Variants in SOX6 observed in about 807,000 individuals in gnomAD.
SOX6 encodes transcription factor SOX-6.
Under a neutral mutation model 97.8 loss-of-function variants are expected in SOX6, and 11 were observed. The ratio of observed to expected loss-of-function variants is 0.11; its 90% confidence interval spans 0.07 to 0.19. The LOEUF is 0.19. Ranked by LOEUF, SOX6 falls within the 10% of genes least tolerant of loss-of-function variation. The pLI, the probability that SOX6 is intolerant of heterozygous loss-of-function variation, is 1.00. For missense variants in SOX6, 810 were observed against 1,039.5 expected (o/e 0.78, Z 3.04); for synonymous variants, 360 against 371.4 (o/e 0.97, Z 0.35).
At chr11:16,204,093 G>C (rs1207154549) in intron 4 of SOX6, among the ~76,000 whole-genome samples, 1 of 151,218 alleles carries the variant, frequency 6.6e-6, no homozygotes, top group African/African-American at 2.4e-5. Flanking sequence ...GTACACAAGA[G>C]ATACATACAA....
intron 4 of SOX6, among the ~76,000 whole-genome samples, chr11:16,231,884 T>C (rs548131243): frequency 6.6e-6 from 1 of 151,906 alleles, no homozygotes; most frequent in East Asian, 1.9e-4. Flanking sequence ...ACAAAAAAAT[T>C]ATAATGGGAT....
intron 1 of SOX6, among the ~76,000 whole-genome samples, chr11:16,372,681 G>A (rs1487783962): frequency 6.6e-6 from 1 of 152,062 alleles, no homozygotes; most frequent in African/African-American, 2.4e-5. Flanking sequence ...AGGAATTGCA[G>A]AATAATTTAA....
chr11:16,219,229 A>T lies in SOX6; in HGVS notation c.535+15353T>A, dbSNP rs180773950. Among the ~76,000 whole-genome samples the T allele has an allele frequency of 2.6e-5, 4 of 152,210 alleles. No homozygotes were observed. In the East Asian group the frequency reaches 7.7e-4, roughly 29 times the overall value. ...TAATTTGTCTGAAGTTAAATTAGCT[A>T]AATTTTGAGCTCAGTTGTATTCATC... On this transcript the variant is annotated intron_variant, in intron 4 of 15. Coordinates refer to ENST00000683767, the MANE Select transcript of SOX6 (RefSeq NM_001367873.1).
chr11:16,702,608 T>C (rs977665600), intron 3 of SOX6, among the ~76,000 whole-genome samples: 1 of 152,172 alleles, frequency 6.6e-6, no homozygotes, highest in African/African-American at 2.4e-5. Flanking sequence ...CCAGACCTTC[T>C]TGAAGTCCAA....
chr11:16,344,563 AC>A (rs1565102717), intron 1 of SOX6, among the ~76,000 whole-genome samples: 1 of 151,806 alleles, frequency 6.6e-6, no homozygotes, highest in Non-Finnish European at 1.5e-5. Flanking sequence ...AATCAAATAT[AC>A]CCATGTTTCA....
chr11:16,514,986 G>A (rs1392732751), intron 4 of SOX6, among the ~76,000 whole-genome samples: 1 of 151,866 alleles, frequency 6.6e-6, no homozygotes, highest in African/African-American at 2.4e-5. Context: ...TTGCTATTGT[G>A]AACAGTGCCA....
At chr11:16,199,747 A>G (rs1851882920) in intron 4 of SOX6, among the ~76,000 whole-genome samples, 1 of 152,212 alleles carries the variant, frequency 6.6e-6, no homozygotes, top group Non-Finnish European at 1.5e-5. Context: ...TCAGGGAACT[A>G]GTCTCCATCA....
intron 9 of SOX6, among the ~76,000 whole-genome samples, chr11:16,070,392 T>A (rs1332320253): frequency 6.6e-6 from 1 of 151,886 alleles, no homozygotes; most frequent in Non-Finnish European, 1.5e-5. Context: ...AAAATCTGAA[T>A]CCATCAGATA....
intron 6 of SOX6, among the ~76,000 whole-genome samples, chr11:16,140,905 T>C (rs1307452815): frequency 6.6e-6 from 1 of 152,108 alleles, no homozygotes; most frequent in African/African-American, 2.4e-5. Context: ...GAATAAAAAA[T>C]ATCTCTTAGC....
At chr11:16,524,853 C>T (rs960223891) in intron 4 of SOX6, among the ~76,000 whole-genome samples, 1 of 152,072 alleles carries the variant, frequency 6.6e-6, no homozygotes, top group East Asian at 1.9e-4. Flanking sequence ...AAACAGAGAG[C>T]CATATCATGA....
chr11:16,377,845 C>T (rs867475272), intron 1 of SOX6, among the ~76,000 whole-genome samples: 2 of 152,082 alleles, frequency 1.3e-5, no homozygotes, highest in East Asian at 3.9e-4. Flanking sequence ...ATATTAATTT[C>T]GAACTCATTA....
At chr11:16,692,630 A>T (rs1010355101) in intron 3 of SOX6, among the ~76,000 whole-genome samples, 1 of 152,208 alleles carries the variant, frequency 6.6e-6, no homozygotes, top group Admixed American at 6.5e-5. Flanking sequence ...AATCACTCCA[A>T]GCAGTTTATT....
chr11:16,561,544 G>A (rs1338102321), intron 4 of SOX6, among the ~76,000 whole-genome samples: 2 of 152,090 alleles, frequency 1.3e-5, no homozygotes, highest in Non-Finnish European at 1.5e-5. Flanking sequence ...TTAGATCAGT[G>A]CCTGACTAGA....
intron 4 of SOX6, among the ~76,000 whole-genome samples, chr11:16,227,567 G>T (rs1023363498): frequency 6.6e-6 from 1 of 151,774 alleles, no homozygotes; most frequent in African/African-American, 2.4e-5. Flanking sequence ...GGGACTAAAG[G>T]TGCGCCTCAC....
At chr11:16,197,012 T>G (rs1851798047) in intron 4 of SOX6, among the ~76,000 whole-genome samples, 3 of 151,930 alleles carry the variant, frequency 2.0e-5, no homozygotes, top group Admixed American at 2.0e-4. Context: ...TTTTGTATAT[T>G]TAGTAGAGAT....
At chr11:16,572,802 T>C (rs1034145812) in intron 4 of SOX6, among the ~76,000 whole-genome samples, 1 of 152,156 alleles carries the variant, frequency 6.6e-6, no homozygotes, top group African/African-American at 2.4e-5. Flanking sequence ...CATAATGTCT[T>C]TCTGGAAATT....
At chr11:16,315,424 T>A (rs971324805) in intron 3 of SOX6, 1 of 152,162 alleles carries the variant, frequency 6.6e-6, no homozygotes, top group African/African-American at 2.4e-5. Context: ...TACTATGTAG[T>A]CCTTGAAAAG....
intron 7 of SOX6, among the ~76,000 whole-genome samples, chr11:16,100,257 C>T (rs949118429): frequency 2.0e-5 from 3 of 151,716 alleles, no homozygotes; most frequent in African/African-American, 4.8e-5. Context: ...ATTTGAAATG[C>T]TTTCATGAGG....
At chr11:16,214,746 ATTTT>A (rs368038119) in intron 4 of SOX6, among the ~76,000 whole-genome samples, 3,891 of 131,132 alleles carry the variant, frequency 0.03, 127 homozygotes, top group African/African-American at 0.1. Flanking sequence ...ACTGGAACCA[ATTTT>A]TTTTTTTTTT....
Sources: allele counts gnomAD v4.1 joint callset (sites outside exome capture counted in the v4.1 genomes callset), GRCh38; gene constraint gnomAD v4.1.1; transcripts MANE v1.5; gene names NCBI Gene and HGNC (gene_info 2026-07-23, HGNC 2026-07-21).